The following SAMSN1 variants were observed in gnomAD, a reference collection of about 807,000 sequenced individuals.
The protein encoded by SAMSN1 is SAM domain-containing protein SAMSN-1.
In SAMSN1, 31 loss-of-function variants were observed where a neutral mutation model predicts 42.0. That is an observed-to-expected ratio of 0.74 (90% CI 0.55 to 1.00). SAMSN1 has a LOEUF of 1.00. Among genes scored for constraint, SAMSN1 ranks in the 50% least tolerant of loss-of-function variants. The pLI is 0.00. For missense variants in SAMSN1, 464 were observed against 439.4 expected (o/e 1.06, Z -0.50); for synonymous variants, 178 against 151.9 (o/e 1.17, Z -1.26).
intron 2 of SAMSN1, among the ~76,000 whole-genome samples, chr21:14,554,390 G>A (rs1980691123): frequency 6.6e-6 from 1 of 152,104 alleles, no homozygotes; most frequent in Non-Finnish European, 1.5e-5. Context: ...AAAAGTGCCT[G>A]GTACATAATA....
intron 2 of SAMSN1, among the ~76,000 whole-genome samples, chr21:14,631,720 T>C (rs371573265): frequency 6.0e-4 from 91 of 152,332 alleles, no homozygotes; most frequent in African/African-American, 2.1e-3. Flanking sequence ...TTTGTGCTTC[T>C]AATTACTGTA....
chr21:14,540,610 G>A (rs1026486865), intron 1 of SAMSN1, among the ~76,000 whole-genome samples: 15 of 152,060 alleles, frequency 9.9e-5, no homozygotes, highest in Admixed American at 5.9e-4. Context: ...TTAGAATGGC[G>A]ATCATTAAAA....
chr21:14,648,076 G>A (rs567895485), intron 1 of SAMSN1, among the ~76,000 whole-genome samples: 112 of 149,612 alleles, frequency 7.5e-4, no homozygotes, highest in African/African-American at 2.2e-3. Flanking sequence ...GTTTTCAAAG[G>A]GAATGCTTCC....
chr21:14,521,341 AG>A, intron 1 of SAMSN1, 120 bp from the exon 2 acceptor site: 1 of 620,632 alleles, frequency 1.6e-6, no homozygotes, highest in East Asian at 2.9e-5. Flanking sequence ...GGCTTTAAAA[AG>A]CTCTTCTCTC....
chr21:14,525,648 T>C (rs1464397453), intron 1 of SAMSN1, among the ~76,000 whole-genome samples: 2 of 152,290 alleles, frequency 1.3e-5, no homozygotes, highest in African/African-American at 4.8e-5. Flanking sequence ...TGAAATAATC[T>C]AGCGAGGAGC....
At chr21:14,570,149 ATCAT>A (rs1981253673) in intron 2 of SAMSN1, among the ~76,000 whole-genome samples, 1 of 152,150 alleles carries the variant, frequency 6.6e-6, no homozygotes, top group African/African-American at 2.4e-5. Flanking sequence ...TTCTTGCCAA[ATCAT>A]TCAGAATGCC....
chr21:14,584,085 G>A (rs1292910022), upstream of SAMSN1, among the ~76,000 whole-genome samples: 1 of 151,282 alleles, frequency 6.6e-6, no homozygotes, highest in Non-Finnish European at 1.5e-5. Context: ...CTGTGAAACA[G>A]CGGAAAAAAA....
upstream of SAMSN1, among the ~76,000 whole-genome samples, chr21:14,546,732 C>T (rs143841313): frequency 4.7e-3 from 716 of 150,942 alleles, 5 homozygotes; most frequent in African/African-American, 0.017. Context: ...TTTTTTGATA[C>T]GGAATCTCAC....
intron 2 of SAMSN1, among the ~76,000 whole-genome samples, chr21:14,552,493 A>G (rs535619345): frequency 3.3e-5 from 5 of 151,714 alleles, no homozygotes; most frequent in Non-Finnish European, 4.4e-5. Context: ...ACATCCCTTC[A>G]CTCCCACTTT....
At chr21:14,545,536 C>CT (rs35984512) in intron 1 of SAMSN1, among the ~76,000 whole-genome samples, 17 of 137,208 alleles carry the variant, frequency 1.2e-4, no homozygotes, top group African/African-American at 2.3e-4. Flanking sequence ...CCATGTTATA[C>CT]TTTTTTTTTT....
At position 14,498,466 on chromosome 21, in the gene SAMSN1, C is replaced by G. The variant is rs1403312826; in HGVS notation, c.895G>C (p.Ala299Pro). ...CTTTCTTCTTCAAGGAAGTTTTCAG[C>G]AGCTGATAGTAACCTTCTTCTGTCA... ...PDDRRRLLSAAENFLEEEIIQ... is the reference protein window; with the variant it reads ...PDDRRRLLSAPENFLEEEIIQ... Residue 299 changes from alanine to proline, a missense_variant, in exon 7 of 8, where the codon GCT (alanine) becomes CCT (proline). Transcript: ENST00000400566. 6.2e-7 allele frequency: 1 copy of G among 1,609,982 alleles called. No individual in the cohort carries two copies. Among genetic ancestry groups the G allele is most frequent in the East Asian group, 2.2e-5 (1 of 44,752 alleles).
intron 1 of SAMSN1, among the ~76,000 whole-genome samples, chr21:14,649,098 G>C (rs577020402): frequency 6.6e-6 from 1 of 151,958 alleles, no homozygotes; most frequent in South Asian, 2.1e-4. Flanking sequence ...CCATAAAAAA[G>C]GATGAGTTCA....
intron 2 of SAMSN1, among the ~76,000 whole-genome samples, chr21:14,569,101 G>A (rs531144764): frequency 3.3e-5 from 5 of 150,742 alleles, no homozygotes; most frequent in Middle Eastern, 3.4e-3. Context: ...GACCAGCCTA[G>A]GCAACATAGC....
chr21:14,568,712 G>A (rs1216952778), intron 2 of SAMSN1, among the ~76,000 whole-genome samples: 3 of 151,932 alleles, frequency 2.0e-5, no homozygotes, highest in Non-Finnish European at 4.4e-5. Flanking sequence ...CCCAAGGGAA[G>A]CCTAATTAAG....
intron 2 of SAMSN1, chr21:14,582,034 A>G (rs1207727166): frequency 8.5e-7 from 1 of 1,171,310 alleles, no homozygotes; most frequent in Non-Finnish European, 1.2e-6. Flanking sequence ...AACTTTTCTG[A>G]AACTGATAAA....
At chr21:14,548,451 T>C (rs1980500047), upstream of SAMSN1, among the ~76,000 whole-genome samples, 1 of 152,168 alleles carries the variant, frequency 6.6e-6, no homozygotes, top group Non-Finnish European at 1.5e-5. Context: ...GAGACCCATA[T>C]CTGGACTAGA....
upstream of SAMSN1, among the ~76,000 whole-genome samples, chr21:14,549,038 G>A (rs535183769): frequency 6.6e-5 from 10 of 152,272 alleles, no homozygotes; most frequent in African/African-American, 2.4e-4. Flanking sequence ...CTATCTCTGT[G>A]TCATGAATCA....
At chr21:14,646,219 A>G (rs981435156) in intron 1 of SAMSN1, among the ~76,000 whole-genome samples, 11 of 152,180 alleles carry the variant, frequency 7.2e-5, no homozygotes, top group Admixed American at 2.6e-4. Flanking sequence ...AAGGTATTTA[A>G]TAATCAAATC....
intron 7 of SAMSN1, chr21:14,592,668 A>T: frequency 2.6e-6 from 1 of 382,048 alleles, no homozygotes; most frequent in South Asian, 1.9e-5. Context: ...AAAAAGTGAG[A>T]ATGACCTACT....
Sources: gnomAD v4.1 joint callset for allele counts (sites outside exome capture counted in the v4.1 genomes callset) on GRCh38, gnomAD v4.1.1 for gene constraint, MANE v1.5 for transcripts, NCBI Gene and HGNC (gene_info 2026-07-23, HGNC 2026-07-21) for gene names.